Variants in C13orf46 observed in about 807,000 individuals in gnomAD.
The protein encoded by C13orf46 is uncharacterized protein C13orf46.
chr13:113,933,676 G>A, the C13orf46 span, among the ~76,000 whole-genome samples: 1 of 152,150 alleles, frequency 6.6e-6, no homozygotes, highest in Non-Finnish European at 1.5e-5. Context: ...TCAGTTCTCA[G>A]TATATAGGAC....
chr13:113,953,288 G>A (rs989593074), downstream of C13orf46, among the ~76,000 whole-genome samples: 1 of 148,476 alleles, frequency 6.7e-6, no homozygotes, highest in African/African-American at 2.6e-5. Flanking sequence ...AAATCTCCCT[G>A]AGGTAGGAAG....
chr13:113,927,597 C>T, the C13orf46 span: 35 of 398,692 alleles, frequency 8.8e-5, no homozygotes, highest in African/African-American at 5.3e-4. Flanking sequence ...AGGGATCCTA[C>T]GGTGGGGAGT....
At chr13:113,963,945 G>C (rs2052613381) in intron 6 of C13orf46, among the ~76,000 whole-genome samples, 1 of 152,150 alleles carries the variant, frequency 6.6e-6, no homozygotes, top group African/African-American at 2.4e-5. Flanking sequence ...CCGCCTCCTG[G>C]GTTCAAGCGA....
At chr13:113,961,290 A>G (rs899145319) in intron 6 of C13orf46, among the ~76,000 whole-genome samples, 1 of 152,100 alleles carries the variant, frequency 6.6e-6, no homozygotes, top group Middle Eastern at 3.4e-3. Flanking sequence ...AATTACATAC[A>G]TTTATATTAA....
chr13:113,947,524 T>C, the C13orf46 span, among the ~76,000 whole-genome samples: 1 of 152,056 alleles, frequency 6.6e-6, no homozygotes, highest in Non-Finnish European at 1.5e-5. Context: ...CATTAGGCCT[T>C]TTTATTTACC....
intron 5 of C13orf46, 26 bp from the exon 6 acceptor site, chr13:113,965,020 G>T: frequency 6.6e-6 from 1 of 152,424 alleles, no homozygotes. Flanking sequence ...ACATTTAAGG[G>T]ATGGGAGGTG....
In C13orf46 at chr13:113,973,904, T is replaced by C. The variant is rs1166274498; in HGVS notation, c.94A>G (p.Ser32Gly). The C allele has an allele frequency of 6.6e-6, 1 of 152,308 alleles. No individual in the cohort carries two copies. Among genetic ancestry groups the C allele is most frequent in the African/African-American group, 2.4e-5 (1 of 41,472 alleles). 9.4% of individuals were successfully genotyped at this position (152,308 alleles called of 1,614,324 possible). A position where few individuals can be genotyped will look rare whatever the true frequency, so the allele number is the denominator to read the frequency against. The change falls in exon 1 of 7, where the codon AGT becomes GGT. Residue 32 changes from serine (S) to glycine (G), a missense_variant. Physicochemically the swap from Ser to Gly is moderately conservative, Grantham distance 56 (BLOSUM62 0). Transcript: ENST00000636427. ...GVALGHLKAA[S>G]EASELQRSRS... ...CTTCGCTGAAGTTCAGAGGCCTCACTGGCCGCCTTGAGGTGCCCAAGGGCC... is the reference window on the plus strand; with the variant it reads ...CTTCGCTGAAGTTCAGAGGCCTCACCGGCCGCCTTGAGGTGCCCAAGGGCC...
the C13orf46 span, among the ~76,000 whole-genome samples, chr13:113,938,926 C>T: frequency 6.6e-6 from 1 of 152,080 alleles, no homozygotes; most frequent in Non-Finnish European, 1.5e-5. Flanking sequence ...GAGGCTCAGG[C>T]CCTGCTGTGC....
the C13orf46 span, among the ~76,000 whole-genome samples, chr13:113,931,745 C>A: frequency 6.6e-6 from 1 of 152,208 alleles, no homozygotes; most frequent in African/African-American, 2.4e-5. Context: ...TTCCTTCTAC[C>A]TAAATCCATC....
the C13orf46 span, among the ~76,000 whole-genome samples, chr13:113,929,525 G>A: frequency 3.9e-5 from 6 of 152,214 alleles, no homozygotes; most frequent in South Asian, 4.1e-4. Context: ...TCAGGCACAC[G>A]GTGCCCTGTC....
At chr13:113,943,143 CAA>C in the C13orf46 span, among the ~76,000 whole-genome samples, 2 of 152,162 alleles carry the variant, frequency 1.3e-5, no homozygotes, top group Non-Finnish European at 1.5e-5. Context: ...CTCCTGTCAA[CAA>C]AGAGTCAAAC....
At chr13:113,946,245 C>T in the C13orf46 span, among the ~76,000 whole-genome samples, 10 of 152,298 alleles carry the variant, frequency 6.6e-5, no homozygotes, top group Admixed American at 3.9e-4. Context: ...GGACCAACGT[C>T]GCGTGGAGGA....
the C13orf46 span, among the ~76,000 whole-genome samples, chr13:113,931,762 C>T: frequency 1.7e-4 from 26 of 152,310 alleles, 1 homozygote; most frequent in South Asian, 6.2e-4. Flanking sequence ...CATCTCTTTA[C>T]GGTCAGATGT....
At chr13:113,972,609 C>G (rs771852194) in intron 1 of C13orf46, among the ~76,000 whole-genome samples, 57 of 152,190 alleles carry the variant, frequency 3.7e-4, no homozygotes, top group Non-Finnish European at 6.2e-4. Context: ...AGGCCCACAC[C>G]ACCGTCCGTT....
chr13:113,964,168 C>T (rs1007382747), intron 6 of C13orf46, among the ~76,000 whole-genome samples: 6 of 152,032 alleles, frequency 3.9e-5, no homozygotes, highest in East Asian at 1.9e-4. Flanking sequence ...TTTATAAAGC[C>T]GATAGAACAA....
chr13:113,961,245 AATT>A (rs1207270955), intron 6 of C13orf46, among the ~76,000 whole-genome samples: 6 of 152,248 alleles, frequency 3.9e-5, no homozygotes, highest in African/African-American at 1.4e-4. Flanking sequence ...TTTTAGTTTT[AATT>A]GTGAGCATGT....
chr13:113,934,836 C>T, the C13orf46 span, among the ~76,000 whole-genome samples: 2 of 152,228 alleles, frequency 1.3e-5, no homozygotes, highest in African/African-American at 2.4e-5. Flanking sequence ...TTGGTAGGTG[C>T]CCCAGTTATG....
chr13:113,937,172 C>T, the C13orf46 span, among the ~76,000 whole-genome samples: 1 of 152,224 alleles, frequency 6.6e-6, no homozygotes, highest in African/African-American at 2.4e-5. Flanking sequence ...GTCTCTTTCA[C>T]TGCCATAATT....
At position 113,955,420 on chromosome 13, in the gene C13orf46, A is replaced by C. The variant is rs1336589849; in HGVS notation, c.*1353T>G. On this transcript the variant is annotated 3_prime_UTR_variant, in exon 7 of 7. Coordinates refer to ENST00000636427, the MANE Select transcript of C13orf46 (RefSeq NM_001365455.2). Reference sequence around the variant, plus strand: ...CGAGGAGCATCCGGCGGTGACGAGGAGCATCCGGCGGAGATGAGGAGCATC... The same window carrying C: ...CGAGGAGCATCCGGCGGTGACGAGGCGCATCCGGCGGAGATGAGGAGCATC... 1.2e-5 allele frequency: 2 copies of C among 168,502 alleles called. No homozygotes were observed. The highest frequency in any genetic ancestry group is 2.5e-5 in the African/African-American group (1 of 39,936). 10.4% of individuals were successfully genotyped at this position (168,502 alleles called of 1,614,324 possible).
Sources: allele counts gnomAD v4.1 joint callset (sites outside exome capture counted in the v4.1 genomes callset), GRCh38; gene constraint gnomAD v4.1.1; transcripts MANE v1.5; gene names NCBI Gene and HGNC (gene_info 2026-07-23, HGNC 2026-07-21).